Variants in DSCC1 observed in about 807,000 individuals in gnomAD.
The protein encoded by DSCC1 is sister chromatid cohesion protein DCC1.
A neutral mutation model predicts 48.2 loss-of-function variants in DSCC1; 32 were observed. The ratio of observed to expected loss-of-function variants is 0.66; its 90% CI spans 0.50 to 0.89. DSCC1 has a LOEUF of 0.89. Among genes scored for constraint, DSCC1 ranks in the 40% least tolerant of loss-of-function variants. DSCC1 has a pLI of 0.00. For missense variants in DSCC1, 421 were observed against 471.7 expected, an observed-to-expected ratio of 0.89 and a Z score of 1.00; for synonymous variants, 150 against 171.5, an observed-to-expected ratio of 0.87 and a Z score of 0.98.
At position 119,834,102 on chromosome 8, in the gene DSCC1, A is replaced by G. The variant is rs1337368264; in HGVS notation, c.*791T>C. 6.6e-6 allele frequency: 1 copy of G among 152,226 alleles called. No homozygotes were observed. Among genetic ancestry groups the G allele is most frequent in the African/African-American group, 2.4e-5 (1 of 41,466 alleles). The allele number at this position is 152,226 out of a possible 1,614,324, so 9.4% of individuals were successfully genotyped here. A position where few individuals can be genotyped will look rare whatever the true frequency, so the allele number is the denominator to read the frequency against. On this transcript the variant is annotated 3_prime_UTR_variant, in exon 9 of 9. Transcript: ENST00000313655. ...CTTTAATTATGGATTAGCCATTAAC[A>G]TTTTTGAAACGTGGACCATTTAACC...
chr8:119,836,999 A>G (rs1320889660), intron 8 of DSCC1, among the ~76,000 whole-genome samples: 5 of 152,218 alleles, frequency 3.3e-5, no homozygotes, highest in Non-Finnish European at 5.9e-5. Flanking sequence ...TTAACCATTG[A>G]GTATAGAAAG....
intron 7 of DSCC1, chr8:119,839,908 T>C (rs1826742595): frequency 6.6e-6 from 1 of 152,260 alleles, no homozygotes; most frequent in African/African-American, 2.4e-5. Context: ...CATCCGTGAT[T>C]GACCAGTCTG....
At chr8:119,842,168 GGTTCAA>G (rs1273924318) in intron 6 of DSCC1, among the ~76,000 whole-genome samples, 1 of 151,850 alleles carries the variant, frequency 6.6e-6, no homozygotes, top group African/African-American at 2.4e-5. Context: ...CCACCTCTTG[GGTTCAA>G]GTGATTCTCC....
intron 4 of DSCC1, among the ~76,000 whole-genome samples, chr8:119,844,606 G>T (rs1270578614): frequency 6.6e-6 from 1 of 150,596 alleles, no homozygotes; most frequent in Admixed American, 6.6e-5. Context: ...CTTAGAGATG[G>T]GGTCTTACTC....
chr8:119,848,213 C>G (rs575149199), intron 3 of DSCC1, among the ~76,000 whole-genome samples: 1 of 152,230 alleles, frequency 6.6e-6, no homozygotes, highest in South Asian at 2.1e-4. Context: ...TCCTCCTACC[C>G]TGCCCTCCTA....
At chr8:119,855,494 C>T (rs1827003292) in intron 1 of DSCC1, 120 bp downstream of exon 1, 1 of 1,357,160 alleles carries the variant, frequency 7.4e-7, no homozygotes, top group Non-Finnish European at 9.6e-7. Context: ...AGGCAGCTTG[C>T]TATGAGCCCC....
intron 3 of DSCC1, among the ~76,000 whole-genome samples, chr8:119,849,779 T>C (rs1335739736): frequency 1.3e-5 from 2 of 152,186 alleles, no homozygotes; most frequent in Non-Finnish European, 2.9e-5. Flanking sequence ...AATAAAGCTG[T>C]TACCAAAAAA....
intron 1 of DSCC1, among the ~76,000 whole-genome samples, chr8:119,853,436 T>G (rs1826970309): frequency 6.6e-6 from 1 of 151,860 alleles, no homozygotes; most frequent in African/African-American, 2.4e-5. Context: ...GAAAAATAAT[T>G]AAAGATGGGC....
At position 119,855,891 on chromosome 8, in the gene DSCC1, G is replaced by C; in HGVS notation, c.-96C>G. On this transcript the variant is annotated 5_prime_UTR_variant, in exon 1 of 9. Transcript: ENST00000313655. ...CAAGCAGCCGGAAGGTAGGAAACCT[G>C]AGCGTTTGAAAGCGCGCCAAGGCGG... 4 of 1,349,318 alleles carry C rather than the reference G, an allele frequency of 3.0e-6. No individual in the cohort carries two copies. Among genetic ancestry groups the C allele is most frequent in the Non-Finnish European group, 3.8e-6 (4 of 1,046,638 alleles). 83.6% of individuals were successfully genotyped at this position (1,349,318 alleles called of 1,614,324 possible).
At chr8:119,841,533 A>G (rs1826769333) in intron 7 of DSCC1, among the ~76,000 whole-genome samples, 1 of 152,144 alleles carries the variant, frequency 6.6e-6, no homozygotes, top group South Asian at 2.1e-4. Context: ...GAGGTGATAG[A>G]TATGTTCTAA....
chr8:119,854,578 T>C (rs1006767388), intron 1 of DSCC1, among the ~76,000 whole-genome samples: 1 of 152,240 alleles, frequency 6.6e-6, no homozygotes, highest in African/African-American at 2.4e-5. Context: ...TGAAATATTT[T>C]GTTTATACCA....
chr8:119,853,282 G>A, intron 1 of DSCC1, 67 bp from the exon 2 acceptor site: 2 of 1,497,904 alleles, frequency 1.3e-6, no homozygotes, highest in South Asian at 2.6e-5. Context: ...ATCATAAACA[G>A]TTCTCAAACC....
At chr8:119,836,868 A>G (rs1412098481) in intron 8 of DSCC1, among the ~76,000 whole-genome samples, 1 of 152,176 alleles carries the variant, frequency 6.6e-6, no homozygotes, top group East Asian at 1.9e-4. Flanking sequence ...ACAGGGAGAC[A>G]TCAACAAAAG....
chr8:119,854,938 G>C (rs187370333), intron 1 of DSCC1, among the ~76,000 whole-genome samples: 1 of 152,202 alleles, frequency 6.6e-6, no homozygotes, highest in Non-Finnish European at 1.5e-5. Context: ...TATAGGTGTC[G>C]GAGGACCAAT....
intron 1 of DSCC1, 152 bp downstream of exon 1, chr8:119,855,462 G>C: frequency 9.4e-7 from 1 of 1,061,156 alleles, no homozygotes; most frequent in Non-Finnish European, 1.3e-6. Flanking sequence ...CGGCCCACCG[G>C]AGGCGTGGAC....
chr8:119,851,065 G>C (rs1826936972), intron 2 of DSCC1, among the ~76,000 whole-genome samples: 1 of 152,170 alleles, frequency 6.6e-6, no homozygotes, highest in Non-Finnish European at 1.5e-5. Context: ...GAAATAGTGA[G>C]AGGCCTACCA....
chr8:119,853,606 A>G (rs1826973115), intron 1 of DSCC1, among the ~76,000 whole-genome samples: 1 of 152,266 alleles, frequency 6.6e-6, no homozygotes, highest in Non-Finnish European at 1.5e-5. Context: ...ATGCATAGGC[A>G]TCTTAGAGAG....
At chr8:119,842,927 T>C in intron 5 of DSCC1, 99 bp from the exon 6 acceptor site, 2 of 961,764 alleles carry the variant, frequency 2.1e-6, no homozygotes, top group South Asian at 1.5e-5. Context: ...AAATTTGAGA[T>C]TTCAAATACT....
chr8:119,855,239 A>G (rs922776856), intron 1 of DSCC1, among the ~76,000 whole-genome samples: 4 of 152,218 alleles, frequency 2.6e-5, no homozygotes, highest in East Asian at 1.9e-4. Flanking sequence ...TAAAATAAAT[A>G]TAAGTGGAAG....
Sources: allele counts gnomAD v4.1 joint callset (sites outside exome capture counted in the v4.1 genomes callset), GRCh38; gene constraint gnomAD v4.1.1; transcripts MANE v1.5; gene names NCBI Gene and HGNC (gene_info 2026-07-23, HGNC 2026-07-21).